Variants in PITRM1 observed in about 807,000 individuals in gnomAD.
The protein encoded by PITRM1 is presequence protease, mitochondrial.
PITRM1 carries 100 observed loss-of-function variants against 129.9 expected under a neutral mutation model. The observed-to-expected ratio is 0.77, with a 90% CI of 0.65 to 0.91. The LOEUF (loss-of-function observed/expected upper bound fraction) is 0.91, where lower values mean the gene tolerates loss of function less well. Among genes scored for constraint, PITRM1 ranks in the 40% least tolerant of loss-of-function variants. The pLI, the probability that PITRM1 is intolerant of heterozygous loss-of-function variation, is 0.00. For missense variants in PITRM1, 1,471 were observed against 1,318.3 expected, an observed-to-expected ratio of 1.12 and a Z score of -1.79; for synonymous variants, 591 against 508.8, an observed-to-expected ratio of 1.16 and a Z score of -2.17.
intron 18 of PITRM1, 50 bp downstream of exon 18, chr10:3,147,937 A>C: frequency 7.0e-7 from 1 of 1,426,698 alleles, no homozygotes; most frequent in Non-Finnish European, 9.9e-7. Flanking sequence ...ACTTCAAACA[A>C]AGATCTCTAG....
chr10:3,167,370 T>C (rs1842963975), intron 2 of PITRM1, among the ~76,000 whole-genome samples: 2 of 152,248 alleles, frequency 1.3e-5, no homozygotes, highest in Non-Finnish European at 2.9e-5. Flanking sequence ...AATTTTTTAT[T>C]CTTTTTTTGG....
intron 21 of PITRM1, chr10:3,145,078 TGAACC>T (rs1840712078): frequency 6.5e-6 from 1 of 153,798 alleles, no homozygotes; most frequent in Non-Finnish European, 1.4e-5. Flanking sequence ...CATCCAGAAT[TGAACC>T]AGGGATACGC....
intron 1 of PITRM1, among the ~76,000 whole-genome samples, chr10:3,171,146 T>TAAA (rs1588736135): frequency 0.013 from 470 of 36,260 alleles, 166 homozygotes; most frequent in African/African-American, 0.023. Context: ...AATCGTTCAA[T>TAAA]TAAAAAAAAA....
Position 3,141,686 on chromosome 10 carries a change from C to A in PITRM1, c.2646-874G>T, listed in dbSNP as rs573708165. On this transcript the variant is annotated intron_variant, in intron 23 of 26. Coordinates refer to ENST00000224949, the MANE Select transcript of PITRM1 (RefSeq NM_014889.4). ...AGCACAGACACAGGCTCCTTGAAGA[C>A]GCCCGTGGTGAGATCAGCCCCAGGT... 3 of 470,420 alleles carry A rather than the reference C, an allele frequency of 6.4e-6. No homozygotes were observed. The East Asian group carries it at 2.1e-4, about 33-fold the overall frequency. The allele number at this position is 470,420 out of a possible 1,614,324, so 29.1% of individuals were successfully genotyped here. A position where few individuals can be genotyped will look rare whatever the true frequency, so the allele number is the denominator to read the frequency against.
At position 3,149,606 on chromosome 10, in the gene PITRM1, T is replaced by C. The variant is rs761387700; in HGVS notation, c.1871+15A>G. ...GACATTAATAAGACACACAAGGGTA[T>C]GTTGCGACTCGTACTTGGTGAGGAC... On this transcript the variant is annotated intron_variant, in intron 16 of 26. Coordinates refer to ENST00000224949, the MANE Select transcript of PITRM1 (RefSeq NM_014889.4). 1 of 1,538,758 alleles carries C rather than the reference T, an allele frequency of 6.5e-7. No homozygotes were observed. Among genetic ancestry groups the C allele is most frequent in the South Asian group, 1.3e-5 (1 of 79,758 alleles).
intron 24 of PITRM1, among the ~76,000 whole-genome samples, chr10:3,139,676 G>C (rs1839983543): frequency 6.6e-6 from 1 of 152,182 alleles, no homozygotes; most frequent in Non-Finnish European, 1.5e-5. Context: ...ATCTAGCTAT[G>C]CATCCACGGG....
At chr10:3,154,163 T>C (rs749856416) in intron 14 of PITRM1, among the ~76,000 whole-genome samples, 3 of 152,350 alleles carry the variant, frequency 2.0e-5, no homozygotes, top group East Asian at 3.9e-4. Context: ...TTCTTTCCCT[T>C]TGTGGGAAGC....
At chr10:3,148,413 T>G (rs1223752315) in intron 16 of PITRM1, 122 bp from the exon 17 acceptor site, 2 of 1,237,170 alleles carry the variant, frequency 1.6e-6, no homozygotes, top group Non-Finnish European at 2.2e-6. Flanking sequence ...TTTGCCAACC[T>G]CTCTACACTT....
intron 1 of PITRM1, among the ~76,000 whole-genome samples, chr10:3,170,888 G>C (rs143563333): frequency 6.6e-6 from 1 of 151,838 alleles, no homozygotes; most frequent in Non-Finnish European, 1.5e-5. Flanking sequence ...GCTTGAACCC[G>C]GGAAGTGGAG....
At chr10:3,172,784 A>C (rs1233760466), upstream of PITRM1, 1 of 1,532,510 alleles carries the variant, frequency 6.5e-7, no homozygotes, top group Non-Finnish European at 8.8e-7. Flanking sequence ...GCGCATGACG[A>C]GCACCTGGCT....
At chr10:3,166,102 GA>G in intron 4 of PITRM1, 126 bp downstream of exon 4, 9 of 685,872 alleles carry the variant, frequency 1.3e-5, no homozygotes, top group Non-Finnish European at 2.1e-5. Flanking sequence ...TTCAACTAGA[GA>G]GAGGTAAAAA....
At chr10:3,138,761 T>C in intron 25 of PITRM1, 143 bp downstream of exon 25, 1 of 834,906 alleles carries the variant, frequency 1.2e-6, no homozygotes, top group Non-Finnish European at 2.1e-6. Flanking sequence ...GTGTTTAGGG[T>C]GTCAGACGTG....
At chr10:3,138,743 C>A in intron 25 of PITRM1, 161 bp downstream of exon 25, 1 of 807,894 alleles carries the variant, frequency 1.2e-6, no homozygotes, top group Non-Finnish European at 2.2e-6. Context: ...GCCCGGATGT[C>A]AGGAAGCGTG....
At chr10:3,164,035 A>AC (rs1740120326) in intron 6 of PITRM1, 150 bp from the exon 7 acceptor site, 2 of 425,360 alleles carry the variant, frequency 4.7e-6, no homozygotes, top group Non-Finnish European at 8.2e-6. Flanking sequence ...AAAAAAAAAA[A>AC]AAAACACCCA....
chr10:3,163,204 A>G (rs1421024833), intron 7 of PITRM1: 3 of 152,226 alleles, frequency 2.0e-5, no homozygotes, highest in Non-Finnish European at 4.4e-5. Flanking sequence ...TTACATTAGC[A>G]TTCATATGTA....
intron 8 of PITRM1, 130 bp from the exon 9 acceptor site, chr10:3,160,066 C>A: frequency 8.0e-7 from 1 of 1,249,706 alleles, no homozygotes; most frequent in Non-Finnish European, 1.1e-6. Flanking sequence ...AAACAAATTA[C>A]CATTCTTTCA....
At chr10:3,150,316 GCAAA>G (rs905721366) in intron 15 of PITRM1, among the ~76,000 whole-genome samples, 6 of 152,166 alleles carry the variant, frequency 3.9e-5, no homozygotes, top group African/African-American at 1.4e-4. Context: ...CTCACTCTTA[GCAAA>G]CACTTAATGA....
Position 3,167,284 on chromosome 10 carries a change from A to AGAGCGAGC in PITRM1, c.160-250_160-243dup, listed in dbSNP as rs56035202. Among the ~76,000 whole-genome samples, 414 of 149,076 alleles carry AGAGCGAGC rather than the reference A, an allele frequency of 2.8e-3. 3 individuals carry two copies. Among genetic ancestry groups the AGAGCGAGC allele is most frequent in the African/African-American group, 8.8e-3 (345 of 39,222 alleles). ...TGTGTGTGTGTATAGAAAGAGAGAG[A>AGAGCGAGC]GAGCGAGCGAGCGAGCGAGCGCGAG... On this transcript the variant is annotated intron_variant, in intron 2 of 26. Transcript: ENST00000224949.
In PITRM1 at chr10:3,157,062, G is replaced by A. The variant is rs1264110580; in HGVS notation, c.1350C>T (p.Tyr450=). The change falls in exon 13 of 27, where the codon TAC becomes TAT. Residue 450 remains tyrosine (Y), a splice_region_variant and synonymous_variant. Coordinates refer to ENST00000224949, the MANE Select transcript of PITRM1 (RefSeq NM_014889.4). Reference sequence around the variant, plus strand: ...CATCATGGTTCCAGCAAGAAGCTATGTACTGGAAGGAAGATTTCCACATCC... The same window carrying A: ...CATCATGGTTCCAGCAAGAAGCTATATACTGGAAGGAAGATTTCCACATCC... ...STSFGLMLTS[Y]IASCWNHDGD... The A allele has an allele frequency of 6.2e-7, 1 of 1,604,342 alleles. No homozygotes were observed. Among genetic ancestry groups the A allele is most frequent in the African/African-American group, 1.3e-5 (1 of 74,552 alleles).
Sources: allele counts gnomAD v4.1 joint callset (sites outside exome capture counted in the v4.1 genomes callset), GRCh38; gene constraint gnomAD v4.1.1; transcripts MANE v1.5; gene names NCBI Gene and HGNC (gene_info 2026-07-23, HGNC 2026-07-21).